Variants in SLMAP observed in about 807,000 individuals in gnomAD.
SLMAP encodes the protein sarcolemma associated protein, also known as sarcolemmal membrane-associated protein.
Under a neutral mutation model 128.8 loss-of-function variants are expected in SLMAP, and 44 were observed. The observed-to-expected ratio is 0.34, with a 90% confidence interval of 0.27 to 0.44. The LOEUF (loss-of-function observed/expected upper bound fraction) is 0.44. Ranked by LOEUF, SLMAP falls within the 20% of genes least tolerant of loss-of-function variation. SLMAP has a pLI of 1.00. For synonymous variants in SLMAP, 327 were observed against 348.8 expected, an observed-to-expected ratio of 0.94 and a Z score of 0.70; for missense variants, 787 against 985.3, an observed-to-expected ratio of 0.80 and a Z score of 2.69.
intron 17 of SLMAP, chr3:57,899,786 ACTGTCAAG>A (rs1437643393): frequency 2.6e-5 from 4 of 152,186 alleles, no homozygotes; most frequent in Non-Finnish European, 4.4e-5. Flanking sequence ...TTAAGAACAG[ACTGTCAAG>A]TCAGTCAGTG....
Position 57,910,514 on chromosome 3 carries a change from T to G in SLMAP, c.1699+1364T>G, listed in dbSNP as rs537139559. Among the ~76,000 whole-genome samples, 3 of 152,314 alleles carry G rather than the reference T, an allele frequency of 2.0e-5. No individual in the cohort carries two copies. The East Asian group carries it at 5.8e-4, about 29-fold the overall frequency. ...AAATTATATATCACGTGGAATAGGA[T>G]AGTAGTCTCTGCACTGATTTTCGTT... On this transcript the variant is annotated intron_variant, in intron 19 of 24. Transcript: ENST00000671191.
intron 6 of SLMAP, among the ~76,000 whole-genome samples, chr3:57,855,476 TGA>T (rs1480411810): frequency 1.3e-5 from 2 of 151,992 alleles, no homozygotes; most frequent in Non-Finnish European, 2.9e-5. Context: ...CTGCTCTGGG[TGA>T]GTCATTAAGT....
intron 10 of SLMAP, among the ~76,000 whole-genome samples, chr3:57,862,445 C>T (rs972468843): frequency 6.6e-6 from 1 of 151,830 alleles, no homozygotes; most frequent in African/African-American, 2.4e-5. Flanking sequence ...TGAGACCATC[C>T]TGGCCAACAT....
intron 4 of SLMAP, among the ~76,000 whole-genome samples, chr3:57,842,924 G>C (rs2094008262): frequency 1.3e-5 from 2 of 152,142 alleles, no homozygotes. Flanking sequence ...GACTCCACTT[G>C]TTCTGTGACT....
At chr3:57,772,770 A>G (rs2081138696) in intron 2 of SLMAP, among the ~76,000 whole-genome samples, 1 of 151,858 alleles carries the variant, frequency 6.6e-6, no homozygotes, top group African/African-American at 2.4e-5. Flanking sequence ...CCTCCCGAGT[A>G]GCTGGGATTA....
intron 6 of SLMAP, among the ~76,000 whole-genome samples, chr3:57,852,669 T>A: frequency 6.6e-6 from 1 of 152,258 alleles, no homozygotes; most frequent in Non-Finnish European, 1.5e-5. Context: ...GGAAGAAAAC[T>A]TTGAGATTAA....
chr3:57,889,318 G>T (rs375481387), intron 14 of SLMAP, among the ~76,000 whole-genome samples: 21 of 152,340 alleles, frequency 1.4e-4, no homozygotes, highest in African/African-American at 5.1e-4. Context: ...AGTTTCAATG[G>T]TTGAGTGGTG....
intron 5 of SLMAP, among the ~76,000 whole-genome samples, chr3:57,848,709 CT>C (rs34568039): frequency 1.8e-3 from 183 of 103,606 alleles, no homozygotes; most frequent in African/African-American, 5.5e-3. Flanking sequence ...CCTCCTACTC[CT>C]TTTTTTTTTT....
chr3:57,885,291 C>T (rs752315738), intron 14 of SLMAP, among the ~76,000 whole-genome samples: 1 of 151,312 alleles, frequency 6.6e-6, no homozygotes, highest in African/African-American at 2.4e-5. Context: ...AGTCTGGTCT[C>T]GAACTCCCGA....
intron 2 of SLMAP, among the ~76,000 whole-genome samples, chr3:57,788,425 A>C (rs961217609): frequency 6.6e-5 from 10 of 152,184 alleles, no homozygotes; most frequent in African/African-American, 2.4e-4. Flanking sequence ...GGACAGTTAG[A>C]GGTAAATTCT....
intron 14 of SLMAP, among the ~76,000 whole-genome samples, chr3:57,880,466 G>C (rs1387571369): frequency 2.0e-5 from 3 of 152,088 alleles, no homozygotes; most frequent in Admixed American, 2.0e-4. Flanking sequence ...GCCTCCCAAA[G>C]TGTGGGGATT....
intron 2 of SLMAP, among the ~76,000 whole-genome samples, chr3:57,765,778 A>G (rs959437919): frequency 1.3e-5 from 2 of 152,318 alleles, no homozygotes; most frequent in South Asian, 2.1e-4. Flanking sequence ...GTGAACATGT[A>G]TAGGAAGCCA....
chr3:57,919,988 A>G (rs1425464989), intron 22 of SLMAP, among the ~76,000 whole-genome samples: 2 of 152,040 alleles, frequency 1.3e-5, no homozygotes, highest in Admixed American at 6.6e-5. Context: ...AACTCCTGCA[A>G]TGGAGAAATA....
At chr3:57,870,781 A>C (rs1168679018) in intron 13 of SLMAP, among the ~76,000 whole-genome samples, 2 of 152,192 alleles carry the variant, frequency 1.3e-5, no homozygotes, top group Non-Finnish European at 2.9e-5. Context: ...CACACTTTCC[A>C]AGTAGTCATT....
chr3:57,759,356 C>A (rs1470679152), intron 2 of SLMAP, among the ~76,000 whole-genome samples: 2 of 151,862 alleles, frequency 1.3e-5, no homozygotes, highest in African/African-American at 4.8e-5. Flanking sequence ...CAGATCACTG[C>A]AACCTCTGCC....
intron 2 of SLMAP, among the ~76,000 whole-genome samples, chr3:57,815,909 A>T (rs950025235): frequency 1.2e-4 from 18 of 152,356 alleles, no homozygotes; most frequent in Middle Eastern, 3.4e-3. Context: ...ATATTCTGTG[A>T]GCTTAATAAT....
intron 4 of SLMAP, 128 bp from the exon 5 acceptor site, chr3:57,847,069 G>T (rs1577506327): frequency 3.2e-6 from 2 of 629,046 alleles, no homozygotes. Context: ...TTGAAAAATA[G>T]TTCACCTTTT....
chr3:57,920,259 T>G (rs2153703583), intron 22 of SLMAP, among the ~76,000 whole-genome samples: 1 of 152,342 alleles, frequency 6.6e-6, no homozygotes, highest in South Asian at 2.1e-4. Context: ...AAAGCTATCA[T>G]AAAGTCCATG....
intron 2 of SLMAP, among the ~76,000 whole-genome samples, chr3:57,802,275 T>C (rs2088678547): frequency 6.6e-6 from 1 of 152,000 alleles, no homozygotes; most frequent in Non-Finnish European, 1.5e-5. Flanking sequence ...ATCTGCTCTT[T>C]GTGTGCTTTT....
Sources: gnomAD v4.1 joint callset for allele counts (sites outside exome capture counted in the v4.1 genomes callset) on GRCh38, gnomAD v4.1.1 for gene constraint, MANE v1.5 for transcripts, NCBI Gene and HGNC (gene_info 2026-07-23, HGNC 2026-07-21) for gene names.